The following CACNA2D1 variants were observed in gnomAD, a reference collection of about 807,000 sequenced individuals.
CACNA2D1 encodes the protein calcium voltage-gated channel auxiliary subunit alpha2delta 1.
CACNA2D1 carries 53 observed loss-of-function variants against 171.5 expected under a neutral mutation model. The ratio of observed to expected loss-of-function variants is 0.31; its 90% confidence interval spans 0.25 to 0.39. The LOEUF (loss-of-function observed/expected upper bound fraction) is 0.39, where lower values mean the gene tolerates loss of function less well. Among genes scored for constraint, CACNA2D1 ranks in the 10% least tolerant of loss-of-function variants. The probability of loss-of-function intolerance (pLI) is 1.00; values close to 1 mark genes in which losing one functional copy is unlikely to be tolerated. For synonymous variants in CACNA2D1, 442 were observed against 443.1 expected, an observed-to-expected ratio of 1.00 and a Z score of 0.03; for missense variants, 903 against 1,299.8, an observed-to-expected ratio of 0.69 and a Z score of 4.69.
At chr7:82,273,009 C>T (rs1334704888) in intron 3 of CACNA2D1, among the ~76,000 whole-genome samples, 2 of 152,078 alleles carry the variant, frequency 1.3e-5, no homozygotes, top group East Asian at 3.9e-4. Flanking sequence ...GGAAACGTAC[C>T]AATAAAGAAC....
chr7:82,176,979 C>T (rs1376366553), intron 3 of CACNA2D1, among the ~76,000 whole-genome samples: 1 of 149,248 alleles, frequency 6.7e-6, no homozygotes, highest in Non-Finnish European at 1.5e-5. Context: ...TAAAGTACTG[C>T]TTCTATCATG....
chr7:82,164,664 T>TA (rs1366953491), intron 4 of CACNA2D1, among the ~76,000 whole-genome samples: 3 of 151,882 alleles, frequency 2.0e-5, no homozygotes, highest in African/African-American at 7.2e-5. Context: ...ATAAAGGGCT[T>TA]AGTATACCCT....
chr7:82,106,503 T>C (rs1381480454), intron 6 of CACNA2D1, among the ~76,000 whole-genome samples: 5 of 152,000 alleles, frequency 3.3e-5, no homozygotes, highest in Non-Finnish European at 5.9e-5. Flanking sequence ...TTTTCATGTC[T>C]TCCCTCTGGG....
rs75485002 is a variant in CACNA2D1, at chr7:82,224,200, T to C, written c.295-53591A>G. 4.7e-3 allele frequency among the ~76,000 whole-genome samples: 712 copies of C among 152,328 alleles called. 3 individuals are homozygous for C. The highest frequency in any genetic ancestry group is 0.016 in the African/African-American group (676 of 41,570). On this transcript the variant is annotated intron_variant, in intron 3 of 38. Transcript: ENST00000356860. ...GCTGAATAAATAAATAAATATATTA[T>C]TGATAATAATTCCTTAAAATCCTAG...
intron 15 of CACNA2D1, among the ~76,000 whole-genome samples, chr7:82,010,590 T>C (rs1024841933): frequency 6.6e-6 from 1 of 152,140 alleles, no homozygotes; most frequent in Non-Finnish European, 1.5e-5. Context: ...AAGTGCAACA[T>C]TTTGACCACA....
rs749817139 is a variant in CACNA2D1 at position 81,964,230 on chromosome 7, C to CTCCTTG, written c.2698_2703dup (p.Gln900_Gly901dup). ...ACCACATATGCTGAGCGATGTCCTG[C>CTCCTTG]TCCTTGTTTTGGTGCAGCACCGGGC... On this transcript the variant is annotated inframe_insertion, in exon 33 of 39. Coordinates refer to ENST00000356860, the MANE Select transcript of CACNA2D1 (RefSeq NM_000722.4). 1 of 1,612,884 alleles carries CTCCTTG rather than the reference C, an allele frequency of 6.2e-7. No homozygotes were observed. Among genetic ancestry groups the CTCCTTG allele is most frequent in the Non-Finnish European group, 8.5e-7 (1 of 1,179,260 alleles).
At chr7:82,040,463 A>AC (rs1056554609) in intron 10 of CACNA2D1, among the ~76,000 whole-genome samples, 1 of 146,182 alleles carries the variant, frequency 6.8e-6, no homozygotes, top group African/African-American at 2.5e-5. Context: ...AAAAAAAAAA[A>AC]AAAAAAAACA....
intron 1 of CACNA2D1, among the ~76,000 whole-genome samples, chr7:82,386,435 C>T (rs573876208): frequency 1.3e-5 from 2 of 152,150 alleles, no homozygotes; most frequent in South Asian, 2.1e-4. Context: ...CCTTCTAGAG[C>T]CAAAGAAGTG....
chr7:82,363,811 G>A (rs1048371433), intron 1 of CACNA2D1, among the ~76,000 whole-genome samples: 2 of 152,206 alleles, frequency 1.3e-5, no homozygotes, highest in African/African-American at 4.8e-5. Context: ...GGAGTTAATG[G>A]ATGGACTGGG....
intron 9 of CACNA2D1, among the ~76,000 whole-genome samples, chr7:82,061,539 C>G (rs763767861): frequency 5.9e-5 from 9 of 152,156 alleles, no homozygotes; most frequent in Non-Finnish European, 1.3e-4. Context: ...GCCCTGTATT[C>G]CAATCCTTTC....
intron 4 of CACNA2D1, among the ~76,000 whole-genome samples, chr7:82,144,754 A>AT (rs1475302201): frequency 6.6e-6 from 1 of 152,030 alleles, no homozygotes; most frequent in African/African-American, 2.4e-5. Context: ...TGATGGATCA[A>AT]TTTTTTTACA....
At chr7:82,046,819 T>C (rs191103491) in intron 10 of CACNA2D1, among the ~76,000 whole-genome samples, 49 of 152,322 alleles carry the variant, frequency 3.2e-4, no homozygotes, top group African/African-American at 1.1e-3. Context: ...ATAAATATTT[T>C]CATTTTTAAA....
intron 3 of CACNA2D1, among the ~76,000 whole-genome samples, chr7:82,183,785 G>A (rs189890946): frequency 1.2e-4 from 19 of 152,222 alleles, no homozygotes; most frequent in Admixed American, 7.9e-4. Context: ...TATGACTGTG[G>A]TCAACGTACG....
At chr7:82,173,155 G>T (rs1036326896) in intron 3 of CACNA2D1, among the ~76,000 whole-genome samples, 2 of 152,042 alleles carry the variant, frequency 1.3e-5, no homozygotes, top group African/African-American at 2.4e-5. Flanking sequence ...TCCATGTTTA[G>T]TAAGTTATAG....
chr7:82,264,740 G>A (rs1807595307), intron 3 of CACNA2D1, among the ~76,000 whole-genome samples: 1 of 152,144 alleles, frequency 6.6e-6, no homozygotes, highest in Admixed American at 6.5e-5. Context: ...TACTCAAGAT[G>A]CACCTGCTTC....
chr7:82,402,526 C>G (rs1826537263), intron 1 of CACNA2D1, among the ~76,000 whole-genome samples: 1 of 151,802 alleles, frequency 6.6e-6, no homozygotes, highest in Non-Finnish European at 1.5e-5. Context: ...TCCTGGCTAA[C>G]ATGGTGAAAC....
At chr7:81,984,966 A>G (rs1333947959) in intron 21 of CACNA2D1, among the ~76,000 whole-genome samples, 1 of 152,150 alleles carries the variant, frequency 6.6e-6, no homozygotes. Flanking sequence ...ATGAACCCAT[A>G]AATTAGCCAA....
chr7:82,123,881 T>G (rs918626992), intron 5 of CACNA2D1, among the ~76,000 whole-genome samples: 1 of 152,136 alleles, frequency 6.6e-6, no homozygotes, highest in African/African-American at 2.4e-5. Flanking sequence ...GTAGTATGCT[T>G]TAAATGCTAC....
chr7:82,289,288 G>A (rs1289200542), intron 3 of CACNA2D1, among the ~76,000 whole-genome samples: 5 of 151,930 alleles, frequency 3.3e-5, no homozygotes, highest in Admixed American at 6.5e-5. Context: ...AACATCTTTT[G>A]ACACCTCACA....
Sources: gnomAD v4.1 joint callset for allele counts (sites outside exome capture counted in the v4.1 genomes callset) on GRCh38, gnomAD v4.1.1 for gene constraint, MANE v1.5 for transcripts, NCBI Gene and HGNC (gene_info 2026-07-23, HGNC 2026-07-21) for gene names.